The following PRKAG2 variants were observed in gnomAD, a reference collection of about 807,000 sequenced individuals.
PRKAG2 encodes 5'-AMP-activated protein kinase subunit gamma-2.
In PRKAG2, 26 loss-of-function variants were observed where a neutral mutation model predicts 69.6. The observed-to-expected ratio is 0.37, with a 90% CI of 0.27 to 0.52. PRKAG2 has a LOEUF of 0.52. PRKAG2 is among the 20% of genes least tolerant of loss of function. PRKAG2 has a pLI of 0.90. For synonymous variants in PRKAG2, 293 were observed against 285.0 expected, an observed-to-expected ratio of 1.03 and a Z score of -0.28; for missense variants, 557 against 740.0, an observed-to-expected ratio of 0.75 and a Z score of 2.87.
intron 4 of PRKAG2, among the ~76,000 whole-genome samples, chr7:151,636,464 T>C (rs73480015): frequency 0.14 from 22,043 of 152,222 alleles, 1,974 homozygotes; most frequent in African/African-American, 0.23. Context: ...ATTCACATTG[T>C]AACACGGATC....
At chr7:151,563,415 AAG>A (rs2150985910) in intron 14 of PRKAG2, among the ~76,000 whole-genome samples, 2 of 152,356 alleles carry the variant, frequency 1.3e-5, no homozygotes, top group Admixed American at 6.5e-5. Flanking sequence ...TAATTGAGGA[AAG>A]AGAGATACTG....
At chr7:151,688,217 C>T (rs1835074270) in intron 3 of PRKAG2, among the ~76,000 whole-genome samples, 1 of 152,080 alleles carries the variant, frequency 6.6e-6, no homozygotes, top group Non-Finnish European at 1.5e-5. Flanking sequence ...CAGGATGGGG[C>T]CAGAATATTC....
chr7:151,742,283 T>C (rs2073946721), intron 3 of PRKAG2, among the ~76,000 whole-genome samples: 1 of 152,232 alleles, frequency 6.6e-6, no homozygotes, highest in Admixed American at 6.5e-5. Flanking sequence ...AGAATTTCTC[T>C]CTACATCCTG....
chr7:151,849,515 G>GT (rs1239092128), intron 1 of PRKAG2, among the ~76,000 whole-genome samples: 1 of 152,226 alleles, frequency 6.6e-6, no homozygotes. Flanking sequence ...GGCGGCTGCT[G>GT]TAACAACATA....
chr7:151,610,957 G>T (rs66794877), intron 5 of PRKAG2, among the ~76,000 whole-genome samples: 58,894 of 151,396 alleles, frequency 0.39, 11,963 homozygotes, highest in East Asian at 0.62. Context: ...GTTTCACCAT[G>T]TTGGCCAGGC....
intron 1 of PRKAG2, among the ~76,000 whole-genome samples, chr7:151,827,093 G>A (rs566802212): frequency 7.1e-4 from 108 of 152,280 alleles, no homozygotes; most frequent in Middle Eastern, 3.4e-3. Flanking sequence ...GCAGACCACT[G>A]GCTCTCAACC....
chr7:151,872,534 A>G (rs1427212095), intron 1 of PRKAG2, among the ~76,000 whole-genome samples: 1 of 152,256 alleles, frequency 6.6e-6, no homozygotes, highest in African/African-American at 2.4e-5. Context: ...AAGGGCCAGT[A>G]AGGTGCATTA....
At chr7:151,748,796 C>T (rs2074468621) in intron 3 of PRKAG2, among the ~76,000 whole-genome samples, 1 of 152,208 alleles carries the variant, frequency 6.6e-6, no homozygotes, top group African/African-American at 2.4e-5. Context: ...TGCAAAACTC[C>T]GTCATCAGCA....
intron 1 of PRKAG2, among the ~76,000 whole-genome samples, chr7:151,875,415 G>C (rs1002621132): frequency 1.3e-5 from 2 of 152,208 alleles, no homozygotes; most frequent in African/African-American, 4.8e-5. Flanking sequence ...ATTCACAGTG[G>C]GAAGTGAGTG....
Position 151,735,889 on chromosome 7 carries a change from CAG to C in PRKAG2, c.466+45261_466+45262del, listed in dbSNP as rs917409092. The C allele has an allele frequency of 7.8e-6, 12 of 1,536,116 alleles. No homozygotes were observed. In the Admixed American group the frequency reaches 2.2e-4, roughly 28 times the overall value. The stretch of plus-strand genomic sequence containing the variant: ...AGACCACCAGGGGCTCGGGAATGGG[CAG>C]AGTCCTACCGAAAAGGCCATGAGGC... On this transcript the variant is annotated intron_variant, in intron 3 of 15. Transcript: ENST00000287878.
chr7:151,853,309 A>C (rs1336170184), intron 1 of PRKAG2, among the ~76,000 whole-genome samples: 2 of 152,206 alleles, frequency 1.3e-5, no homozygotes, highest in East Asian at 1.9e-4. Flanking sequence ...AAGGGGAAAA[A>C]AGTCAAAATG....
At chr7:151,559,937 C>G in intron 15 of PRKAG2, 1 of 985,374 alleles carries the variant, frequency 1.0e-6, no homozygotes, top group Non-Finnish European at 1.2e-6. Context: ...AGGCCAGCTC[C>G]TCTTGTCTAA....
chr7:151,710,499 C>T (rs1055687038), intron 3 of PRKAG2, among the ~76,000 whole-genome samples: 4 of 152,224 alleles, frequency 2.6e-5, no homozygotes, highest in Non-Finnish European at 5.9e-5. Context: ...GTGACCCCAT[C>T]ACACTTAGAG....
chr7:151,629,538 C>T (rs1173273336), intron 5 of PRKAG2, among the ~76,000 whole-genome samples: 2 of 152,174 alleles, frequency 1.3e-5, no homozygotes, highest in Non-Finnish European at 2.9e-5. Flanking sequence ...GGGTTGACAG[C>T]AGAAAAGGGA....
At chr7:151,869,903 G>A (rs957596161) in intron 1 of PRKAG2, among the ~76,000 whole-genome samples, 5 of 152,166 alleles carry the variant, frequency 3.3e-5, no homozygotes, top group Admixed American at 2.0e-4. Flanking sequence ...TGGAGCTTAC[G>A]GCAGGGCATC....
At chr7:151,606,312 G>A (rs780796289) in intron 5 of PRKAG2, among the ~76,000 whole-genome samples, 6 of 152,124 alleles carry the variant, frequency 3.9e-5, no homozygotes, top group Admixed American at 6.5e-5. Flanking sequence ...AATATAAAAC[G>A]TTCCTTTTTA....
At chr7:151,606,191 T>A (rs1817524185) in intron 5 of PRKAG2, among the ~76,000 whole-genome samples, 1 of 152,146 alleles carries the variant, frequency 6.6e-6, no homozygotes, top group South Asian at 2.1e-4. Context: ...CACCTACAAA[T>A]TATAATAAAA....
intron 3 of PRKAG2, among the ~76,000 whole-genome samples, chr7:151,754,880 A>G (rs1399580319): frequency 6.6e-6 from 1 of 151,792 alleles, no homozygotes; most frequent in Non-Finnish European, 1.5e-5. Context: ...GTGGTATTGG[A>G]AAGTTGGAGC....
chr7:151,740,421 G>A (rs1428550141), intron 3 of PRKAG2, among the ~76,000 whole-genome samples: 5 of 150,966 alleles, frequency 3.3e-5, no homozygotes, highest in South Asian at 2.1e-4. Flanking sequence ...CTGCTGATAC[G>A]AACCCGAGTT....
Sources: gnomAD v4.1 joint callset for allele counts (sites outside exome capture counted in the v4.1 genomes callset) on GRCh38, gnomAD v4.1.1 for gene constraint, MANE v1.5 for transcripts, NCBI Gene and HGNC (gene_info 2026-07-23, HGNC 2026-07-21) for gene names.